The following ST6GALNAC5 variants were observed in gnomAD, a reference collection of about 807,000 sequenced individuals.
ST6GALNAC5 encodes alpha-N-acetylgalactosaminide alpha-2,6-sialyltransferase 5.
Under a neutral mutation model 33.6 loss-of-function variants are expected in ST6GALNAC5, and 27 were observed. That is an observed-to-expected ratio of 0.80 (90% CI 0.59 to 1.11). ST6GALNAC5 has a LOEUF of 1.11. ST6GALNAC5 is among the 50% of genes least tolerant of loss of function. The pLI, the probability that ST6GALNAC5 is intolerant of heterozygous loss-of-function variation, is 0.00. For missense variants in ST6GALNAC5, 428 were observed against 454.0 expected (o/e 0.94, Z 0.52); for synonymous variants, 194 against 171.2 (o/e 1.13, Z -1.04).
chr1:76,878,002 T>G (rs1653686796), intron 2 of ST6GALNAC5, among the ~76,000 whole-genome samples: 1 of 151,930 alleles, frequency 6.6e-6, no homozygotes, highest in Non-Finnish European at 1.5e-5. Context: ...GCAATTGGAG[T>G]CCCCATTTTG....
intron 2 of ST6GALNAC5, among the ~76,000 whole-genome samples, chr1:76,994,011 AACAC>A (rs760855183): frequency 6.6e-6 from 1 of 152,224 alleles, no homozygotes. Context: ...GTTATAAAGT[AACAC>A]ACACTGTGAA....
chr1:77,063,161 A>G lies in ST6GALNAC5; in HGVS notation c.966A>G (p.Pro322=). The part of the protein sequence containing the change: ...NIHFFQPDWK[P]ESLAINHPEN... ...ACTTTTTTCAACCAGACTGGAAACCAGAATCACTTGCTATAAATCATCCTG... is the reference window on the plus strand; with the variant it reads ...ACTTTTTTCAACCAGACTGGAAACCGGAATCACTTGCTATAAATCATCCTG... The change falls in exon 5 of 5, where the codon CCA becomes CCG. Residue 322 remains proline (P), a synonymous_variant. Transcript: ENST00000477717. 1.2e-6 allele frequency: 2 copies of G among 1,613,870 alleles called. No homozygotes were observed. The highest frequency in any genetic ancestry group is 1.7e-6 in the Non-Finnish European group (2 of 1,179,836).
chr1:76,875,772 A>C, intron 2 of ST6GALNAC5, among the ~76,000 whole-genome samples: 1 of 151,806 alleles, frequency 6.6e-6, no homozygotes, highest in East Asian at 1.9e-4. Flanking sequence ...CATATATTGG[A>C]CACTGATGCA....
At chr1:76,921,669 T>C (rs1647035787) in intron 2 of ST6GALNAC5, among the ~76,000 whole-genome samples, 1 of 152,176 alleles carries the variant, frequency 6.6e-6, no homozygotes, top group South Asian at 2.1e-4. Context: ...ATTAATGAAA[T>C]TGAATTTGCA....
At chr1:77,003,512 G>C (rs1317545797) in intron 2 of ST6GALNAC5, among the ~76,000 whole-genome samples, 2 of 147,006 alleles carry the variant, frequency 1.4e-5, no homozygotes, top group African/African-American at 5.0e-5. Context: ...ATATTGTTAT[G>C]TGTGAATTTG....
intron 2 of ST6GALNAC5, among the ~76,000 whole-genome samples, chr1:76,972,927 A>G (rs533669869): frequency 9.3e-4 from 141 of 152,224 alleles, no homozygotes; most frequent in Middle Eastern, 6.8e-3. Context: ...TCATATTTTC[A>G]TAAGTTTAAG....
chr1:76,924,490 G>A (rs1488617719), intron 2 of ST6GALNAC5, among the ~76,000 whole-genome samples: 2 of 152,090 alleles, frequency 1.3e-5, no homozygotes, highest in Non-Finnish European at 1.5e-5. Context: ...CTTAATGGAG[G>A]ATACCAAGGC....
At chr1:76,968,028 C>A (rs544988733) in intron 2 of ST6GALNAC5, among the ~76,000 whole-genome samples, 2 of 152,018 alleles carry the variant, frequency 1.3e-5, no homozygotes, top group African/African-American at 4.8e-5. Flanking sequence ...GGAATAAGTG[C>A]GATGTGGTGC....
intron 2 of ST6GALNAC5, among the ~76,000 whole-genome samples, chr1:76,899,636 C>T (rs1256123771): frequency 6.6e-6 from 1 of 152,118 alleles, no homozygotes; most frequent in Non-Finnish European, 1.5e-5. Context: ...GGGACGGCTG[C>T]CTTCCCTAGT....
At chr1:77,058,486 C>G (rs1321144803) in intron 4 of ST6GALNAC5, among the ~76,000 whole-genome samples, 2 of 152,182 alleles carry the variant, frequency 1.3e-5, no homozygotes, top group Non-Finnish European at 2.9e-5. Context: ...CTGGCACCTC[C>G]CCCTTTCTCT....
At chr1:76,918,117 T>C (rs1646993436) in intron 2 of ST6GALNAC5, among the ~76,000 whole-genome samples, 1 of 152,158 alleles carries the variant, frequency 6.6e-6, no homozygotes, top group African/African-American at 2.4e-5. Context: ...AAGAATTGTT[T>C]TAAAAAAAGT....
intron 2 of ST6GALNAC5, among the ~76,000 whole-genome samples, chr1:76,891,303 G>T (rs1328262552): frequency 6.6e-6 from 1 of 152,112 alleles, no homozygotes; most frequent in Admixed American, 6.6e-5. Context: ...CAGGTATAAA[G>T]TAGTATCTCC....
chr1:76,871,293 TG>T (rs1318497170), intron 2 of ST6GALNAC5: 3 of 152,256 alleles, frequency 2.0e-5, no homozygotes, highest in Non-Finnish European at 2.9e-5. Context: ...TGGAATATGC[TG>T]GATGTGATGA....
In ST6GALNAC5 at chr1:77,038,567, C is replaced by T. The variant is rs910822877; in HGVS notation, c.262-5637C>T. ...ATATCAGAATTTTAAAAACGGAAGCCTGATATTGCCATGCTGCAAATGTTT... is the reference window on the plus strand; with the variant it reads ...ATATCAGAATTTTAAAAACGGAAGCTTGATATTGCCATGCTGCAAATGTTT... On this transcript the variant is annotated intron_variant, in intron 2 of 4. Coordinates refer to ENST00000477717, the MANE Select transcript of ST6GALNAC5 (RefSeq NM_030965.3). 3.9e-5 allele frequency among the ~76,000 whole-genome samples: 6 copies of T among 152,286 alleles called. No individual in the cohort carries two copies. In the East Asian group the frequency reaches 9.7e-4, roughly 25 times the overall value.
intron 2 of ST6GALNAC5, among the ~76,000 whole-genome samples, chr1:77,001,443 G>A (rs1245055324): frequency 1.6e-5 from 2 of 123,068 alleles, no homozygotes; most frequent in African/African-American, 3.0e-5. Flanking sequence ...TGCAAACAGG[G>A]ACAATTTGAC....
chr1:76,894,074 T>C (rs1165950544), intron 2 of ST6GALNAC5, among the ~76,000 whole-genome samples: 1 of 152,256 alleles, frequency 6.6e-6, no homozygotes, highest in Non-Finnish European at 1.5e-5. Context: ...TTTTTGTTTT[T>C]TACCTTTGAA....
chr1:76,904,330 G>T (rs568726204), intron 2 of ST6GALNAC5, among the ~76,000 whole-genome samples: 1 of 152,266 alleles, frequency 6.6e-6, no homozygotes, highest in African/African-American at 2.4e-5. Flanking sequence ...GCTTAAGGGT[G>T]CTGTGACAGG....
At chr1:77,050,416 A>G (rs747114770) in intron 4 of ST6GALNAC5, 51 bp downstream of exon 4, 28 of 1,528,514 alleles carry the variant, frequency 1.8e-5, no homozygotes, top group Non-Finnish European at 2.4e-5. Flanking sequence ...TGCAGGATTT[A>G]TAAATATCTG....
chr1:77,038,846 G>T (rs898069052), intron 2 of ST6GALNAC5, among the ~76,000 whole-genome samples: 2 of 152,180 alleles, frequency 1.3e-5, no homozygotes, highest in East Asian at 1.9e-4. Flanking sequence ...ATTATTTTAG[G>T]TATGTTTGGG....
Sources: allele counts gnomAD v4.1 joint callset (sites outside exome capture counted in the v4.1 genomes callset), GRCh38; gene constraint gnomAD v4.1.1; transcripts MANE v1.5; gene names NCBI Gene and HGNC (gene_info 2026-07-23, HGNC 2026-07-21).